Variants in BCAS3 observed in about 807,000 individuals in gnomAD.
BCAS3 encodes the protein BCAS3 microtubule associated cell migration factor, also known as BCAS4/BCAS3 fusion.
Under a neutral mutation model 116.1 loss-of-function variants are expected in BCAS3, and 53 were observed. The observed-to-expected ratio is 0.46, with a 90% CI of 0.37 to 0.57. The LOEUF is 0.57. BCAS3 is among the 20% of genes least tolerant of loss of function. The pLI is 0.00. For synonymous variants in BCAS3, 391 were observed against 408.2 expected (o/e 0.96, Z 0.51); for missense variants, 917 against 1,165.4 (o/e 0.79, Z 3.10).
At position 61,282,090 on chromosome 17, in the gene BCAS3, A is replaced by G. The variant is rs1452584112; in HGVS notation, c.2426-86237A>G. 3.3e-5 allele frequency among the ~76,000 whole-genome samples: 5 copies of G among 152,232 alleles called. No homozygotes were observed. The highest frequency in any genetic ancestry group is 2.6e-4 in the Admixed American group (4 of 15,276). On this transcript the variant is annotated intron_variant, in intron 22 of 23. Coordinates refer to ENST00000407086, the MANE Select transcript of BCAS3 (RefSeq NM_017679.5). This position sits in a 1 kb window ranked among gnomAD's most constrained non-coding sequence, Gnocchi z 5.9. The stretch of plus-strand genomic sequence containing the variant: ...GTACCTGCCTCCTGCATTTTTGTGA[A>G]TATCTAATAAGATCAAGTGAATTTA...
chr17:60,941,288 G>A (rs189356392), intron 13 of BCAS3, among the ~76,000 whole-genome samples: 36 of 152,258 alleles, frequency 2.4e-4, no homozygotes, highest in African/African-American at 8.7e-4. Context: ...ACCTCATTTG[G>A]GGCGTGGGTT....
chr17:61,329,159 G>T (rs2056000169), intron 22 of BCAS3, among the ~76,000 whole-genome samples: 1 of 151,722 alleles, frequency 6.6e-6, no homozygotes, highest in Non-Finnish European at 1.5e-5. Flanking sequence ...GCCTCCCAAA[G>T]TGCTGGGATT....
intron 22 of BCAS3, among the ~76,000 whole-genome samples, chr17:61,116,817 TC>T (rs2075491724): frequency 6.6e-6 from 1 of 152,222 alleles, no homozygotes; most frequent in Admixed American, 6.5e-5. Context: ...TGTGTTACTT[TC>T]TTTGAGCCTC....
At chr17:60,680,260 A>C (rs2032834465) in intron 2 of BCAS3, among the ~76,000 whole-genome samples, 1 of 152,174 alleles carries the variant, frequency 6.6e-6, no homozygotes, top group Non-Finnish European at 1.5e-5. Context: ...TATATTTACC[A>C]GACAGTGATG....
chr17:60,800,945 C>T (rs1017634850), intron 6 of BCAS3, among the ~76,000 whole-genome samples: 2 of 151,944 alleles, frequency 1.3e-5, no homozygotes, highest in Non-Finnish European at 2.9e-5. Context: ...CTGCTAGTAC[C>T]ACTAACTCTT....
At position 60,934,963 on chromosome 17, in the gene BCAS3, A is replaced by C. The variant is rs181536882; in HGVS notation, c.1087+10463A>C. 4.0e-4 allele frequency among the ~76,000 whole-genome samples: 61 copies of C among 152,236 alleles called. No individual in the cohort carries two copies. In the East Asian group the frequency reaches 0.011, roughly 28 times the overall value. The stretch of plus-strand genomic sequence containing the variant: ...CACTTGGGTTCAGGAGCTTCAGACC[A>C]GCCTTCCAACATGGTGAAACCCCAT... On this transcript the variant is annotated intron_variant, in intron 13 of 23. Coordinates refer to ENST00000407086, the MANE Select transcript of BCAS3 (RefSeq NM_017679.5).
rs2079491967 is a variant in BCAS3 at position 61,181,687 on chromosome 17, A to G, written c.2425+97123A>G. 6.6e-6 allele frequency among the ~76,000 whole-genome samples: 1 copy of G among 152,182 alleles called. No homozygotes were observed. Among genetic ancestry groups the G allele is most frequent in the Admixed American group, 6.5e-5 (1 of 15,280 alleles). Reference sequence around the variant, plus strand: ...TCTGATCATCTACATATAGAGATACACTGGATGATAAGAGTCAACTCTAAA... The same window carrying G: ...TCTGATCATCTACATATAGAGATACGCTGGATGATAAGAGTCAACTCTAAA... On this transcript the variant is annotated intron_variant, in intron 22 of 23. Coordinates refer to ENST00000407086, the MANE Select transcript of BCAS3 (RefSeq NM_017679.5). This position sits in a 1 kb window ranked among gnomAD's most constrained non-coding sequence, Gnocchi z 5.0.
intron 2 of BCAS3, 65 bp downstream of exon 2, chr17:60,679,605 T>C: frequency 7.5e-7 from 1 of 1,326,100 alleles, no homozygotes; most frequent in Non-Finnish European, 1.1e-6. Flanking sequence ...AACATTTAGG[T>C]TTTCTTTATG....
intron 6 of BCAS3, among the ~76,000 whole-genome samples, chr17:60,762,611 A>G (rs1854733951): frequency 1.3e-5 from 2 of 152,156 alleles, no homozygotes; most frequent in South Asian, 2.1e-4. Flanking sequence ...GCCATGTAGT[A>G]TAGTTTGAAG....
At chr17:61,174,875 T>C in intron 22 of BCAS3, among the ~76,000 whole-genome samples, 1 of 152,152 alleles carries the variant, frequency 6.6e-6, no homozygotes, top group Non-Finnish European at 1.5e-5. Context: ...TAGAGTCCAA[T>C]TGATGAATTC....
chr17:60,875,388 G>A (rs554921298), intron 9 of BCAS3, among the ~76,000 whole-genome samples: 175 of 152,106 alleles, frequency 1.2e-3, no homozygotes, highest in African/African-American at 3.9e-3. Flanking sequence ...TTTTCTGTAT[G>A]ATGGAAAAAA....
intron 7 of BCAS3, among the ~76,000 whole-genome samples, chr17:60,820,436 C>T (rs1333056346): frequency 2.0e-5 from 3 of 152,120 alleles, no homozygotes; most frequent in African/African-American, 4.8e-5. Context: ...AGAGAGCCCA[C>T]TGATGCAATT....
intron 22 of BCAS3, among the ~76,000 whole-genome samples, chr17:61,295,356 G>C (rs995595968): frequency 6.6e-6 from 1 of 152,220 alleles, no homozygotes; most frequent in Non-Finnish European, 1.5e-5. Context: ...GGAGACTTCT[G>C]CTGGAGAGCA....
At chr17:61,288,747 A>AC (rs1419379136) in intron 22 of BCAS3, among the ~76,000 whole-genome samples, 3 of 151,998 alleles carry the variant, frequency 2.0e-5, no homozygotes, top group Admixed American at 6.6e-5. Context: ...AGAAGCTACC[A>AC]CCCCACATGC....
rs945751191 is a variant in BCAS3, at chr17:61,126,615, A to G, written c.2425+42051A>G. Among the ~76,000 whole-genome samples, 10 of 152,224 alleles carry G rather than the reference A, an allele frequency of 6.6e-5. No homozygotes were observed. Among genetic ancestry groups the G allele is most frequent in the Admixed American group, 6.5e-4 (10 of 15,280 alleles). ...CTAGTTTTGAAAGTTGAGCCAGACC[A>G]GGAAAAATCAGGATACAATTTGGCA... On this transcript the variant is annotated intron_variant, in intron 22 of 23. Transcript: ENST00000407086. This position sits in a 1 kb window ranked among gnomAD's most constrained non-coding sequence, Gnocchi z 4.6.
At chr17:61,371,698 T>G (rs1432512572) in intron 23 of BCAS3, among the ~76,000 whole-genome samples, 1 of 152,192 alleles carries the variant, frequency 6.6e-6, no homozygotes, top group African/African-American at 2.4e-5. Context: ...TATATAATTT[T>G]TATTTGTCAA....
intron 22 of BCAS3, among the ~76,000 whole-genome samples, chr17:61,357,270 T>TAAATAAATAAATAAATAAATA (rs1568930756): frequency 6.8e-6 from 1 of 146,992 alleles, no homozygotes; most frequent in African/African-American, 2.5e-5. Context: ...ATAAATAAAT[T>TAAATAAATAAATAAATAAATA]AATTAATTAA....
intron 11 of BCAS3, among the ~76,000 whole-genome samples, chr17:60,903,769 C>T (rs1472118486): frequency 6.6e-6 from 1 of 152,158 alleles, no homozygotes; most frequent in Non-Finnish European, 1.5e-5. Flanking sequence ...TTACTTTTCT[C>T]CATTGTGTAT....
intron 16 of BCAS3, among the ~76,000 whole-genome samples, chr17:61,033,857 TATTTGTGGAAAACA>T (rs1465660207): frequency 6.6e-6 from 1 of 152,176 alleles, no homozygotes; most frequent in African/African-American, 2.4e-5. Flanking sequence ...CATGAAAACT[TATTTGTGGAAAACA>T]GAGGAGATCT....
Sources: gnomAD v4.1 joint callset for allele counts (sites outside exome capture counted in the v4.1 genomes callset) on GRCh38, gnomAD v4.1.1 for gene constraint, Gnocchi (gnomAD v3.1) non-coding constraint, MANE v1.5 for transcripts, NCBI Gene and HGNC (gene_info 2026-07-23, HGNC 2026-07-21) for gene names.